The following PLEKHA5 variants were observed in gnomAD, a reference collection of about 807,000 sequenced individuals.
PLEKHA5 encodes the protein pleckstrin homology domain-containing family A member 5.
Under a neutral mutation model 181.9 loss-of-function variants are expected in PLEKHA5, and 55 were observed. The ratio of observed to expected loss-of-function variants is 0.30; its 90% CI spans 0.24 to 0.38. The LOEUF (loss-of-function observed/expected upper bound fraction) is 0.38. Ranked by LOEUF, PLEKHA5 falls within the 10% of genes least tolerant of loss-of-function variation. PLEKHA5 has a pLI of 1.00. For missense variants in PLEKHA5, 1,432 were observed against 1,549.5 expected (o/e 0.92, Z 1.27); for synonymous variants, 535 against 529.4 (o/e 1.01, Z -0.15).
intron 8 of PLEKHA5, among the ~76,000 whole-genome samples, chr12:19,269,487 C>G (rs2071833226): frequency 6.9e-6 from 1 of 145,732 alleles, no homozygotes; most frequent in South Asian, 2.2e-4. Context: ...CATTTCTCAC[C>G]TCCTTTCCTT....
intron 28 of PLEKHA5, among the ~76,000 whole-genome samples, chr12:19,360,466 G>A (rs73065182): frequency 6.6e-6 from 1 of 151,634 alleles, no homozygotes. Context: ...AGTTAGCCAG[G>A]CACAGTGACA....
chr12:19,339,661 A>G (rs2093707263), intron 21 of PLEKHA5, among the ~76,000 whole-genome samples: 1 of 152,152 alleles, frequency 6.6e-6, no homozygotes, highest in African/African-American at 2.4e-5. Flanking sequence ...TTTAAGGTAT[A>G]ATAAAAACCA....
At chr12:19,334,829 A>AAAAAAAAATATATATATAT in intron 20 of PLEKHA5, among the ~76,000 whole-genome samples, 7 of 18,590 alleles carry the variant, frequency 3.8e-4, no homozygotes, top group Non-Finnish European at 8.7e-4. Context: ...AAAAAAAAAA[A>AAAAAAAAATATATATATAT]ATATATATAT....
intron 4 of PLEKHA5, among the ~76,000 whole-genome samples, chr12:19,254,567 TC>T (rs1489340796): frequency 6.6e-6 from 1 of 152,166 alleles, no homozygotes; most frequent in Non-Finnish European, 1.5e-5. Flanking sequence ...ACGCCTGTAA[TC>T]CTAGCACTTT....
At chr12:19,244,527 G>C (rs1024684979) in intron 3 of PLEKHA5, among the ~76,000 whole-genome samples, 1 of 152,224 alleles carries the variant, frequency 6.6e-6, no homozygotes, top group Non-Finnish European at 1.5e-5. Flanking sequence ...CATGATACTG[G>C]CCTTTGTTGC....
rs551293351 is a variant in PLEKHA5 at position 19,250,434 on chromosome 12, T to G, written c.228-3506T>G. Among the ~76,000 whole-genome samples the G allele has an allele frequency of 2.0e-5, 3 of 152,092 alleles. No homozygotes were observed. The South Asian group carries it at 6.2e-4, about 32-fold the overall frequency. ...ACCCCTCTCTACTAAAACTACAAAATTAGCCAGGCGTCGTGGTGCATACCT... is the reference window on the plus strand; with the variant it reads ...ACCCCTCTCTACTAAAACTACAAAAGTAGCCAGGCGTCGTGGTGCATACCT... On this transcript the variant is annotated intron_variant, in intron 3 of 31. Transcript: ENST00000429027.
At chr12:19,306,991 C>T (rs1336711805) in intron 15 of PLEKHA5, 5 of 1,476,768 alleles carry the variant, frequency 3.4e-6, no homozygotes, top group Non-Finnish European at 3.8e-6. Flanking sequence ...CGCTGTTCCA[C>T]CGGCTGCTTT....
At position 19,338,894 on chromosome 12, in the gene PLEKHA5, A is replaced by T. The variant is rs114154167; in HGVS notation, c.2550+2278A>T. On this transcript the variant is annotated intron_variant, in intron 21 of 31. Coordinates refer to ENST00000429027, the MANE Select transcript of PLEKHA5 (RefSeq NM_001256470.2). ...CAAAAGTCCATCTCAAAAAAAAAAAAAAATAAGAAATCAGCTACAAAAATG... is the reference window on the plus strand; with the variant it reads ...CAAAAGTCCATCTCAAAAAAAAAAATAAATAAGAAATCAGCTACAAAAATG... 8.2e-3 allele frequency among the ~76,000 whole-genome samples: 1,249 copies of T among 151,816 alleles called. 28 individuals are homozygous for T. The highest frequency in any genetic ancestry group is 0.029 in the African/African-American group (1,186 of 41,384).
chr12:19,328,532 C>G (rs181743060), intron 20 of PLEKHA5, among the ~76,000 whole-genome samples: 1 of 150,982 alleles, frequency 6.6e-6, no homozygotes, highest in African/African-American at 2.4e-5. Flanking sequence ...ACATCTTTCA[C>G]CTCCTTGGTT....
chr12:19,137,121 C>T (rs996634539), intron 3 of PLEKHA5, among the ~76,000 whole-genome samples: 1 of 152,056 alleles, frequency 6.6e-6, no homozygotes, highest in African/African-American at 2.4e-5. Context: ...CAACGTCCAC[C>T]TCCCGGGTTC....
intron 3 of PLEKHA5, among the ~76,000 whole-genome samples, chr12:19,249,256 T>C (rs1409878276): frequency 6.6e-6 from 1 of 152,162 alleles, no homozygotes; most frequent in Non-Finnish European, 1.5e-5. Context: ...TCTTGTACTT[T>C]AGGGGGTGGG....
intron 3 of PLEKHA5, among the ~76,000 whole-genome samples, chr12:19,245,790 C>T (rs2063597094): frequency 7.1e-6 from 1 of 140,870 alleles, no homozygotes; most frequent in African/African-American, 2.6e-5. Flanking sequence ...CAGAGTATTG[C>T]TTTGTGATAC....
chr12:19,224,563 AAAAATTGTTGCAT>A (rs1222168449), intron 3 of PLEKHA5, among the ~76,000 whole-genome samples: 1 of 152,164 alleles, frequency 6.6e-6, no homozygotes, highest in Admixed American at 6.6e-5. Context: ...AAATTTTTTT[AAAAATTGTTGCAT>A]AAAATAAGTT....
chr12:19,260,229 A>G (rs2068055551), intron 6 of PLEKHA5, among the ~76,000 whole-genome samples: 1 of 152,208 alleles, frequency 6.6e-6, no homozygotes, highest in African/African-American at 2.4e-5. Context: ...AAATCACATT[A>G]CCTTTGGAAT....
chr12:19,165,116 A>T (rs1233924722), intron 3 of PLEKHA5, among the ~76,000 whole-genome samples: 1 of 152,130 alleles, frequency 6.6e-6, no homozygotes, highest in Non-Finnish European at 1.5e-5. Flanking sequence ...ACCCACTCAA[A>T]TTATATAGAA....
At chr12:19,286,485 C>A (rs1592327473) in intron 12 of PLEKHA5, among the ~76,000 whole-genome samples, 1 of 152,246 alleles carries the variant, frequency 6.6e-6, no homozygotes, top group Non-Finnish European at 1.5e-5. Context: ...ATTTTCTTCA[C>A]ATACTTCCAC....
At chr12:19,172,202 T>G (rs908286563) in intron 3 of PLEKHA5, among the ~76,000 whole-genome samples, 4 of 152,250 alleles carry the variant, frequency 2.6e-5, no homozygotes, top group Non-Finnish European at 5.9e-5. Context: ...GAGGTTTGTT[T>G]ACATCAGCAT....
At chr12:19,329,442 G>A (rs755405691) in intron 20 of PLEKHA5, among the ~76,000 whole-genome samples, 12 of 152,198 alleles carry the variant, frequency 7.9e-5, no homozygotes, top group Middle Eastern at 3.4e-3. Context: ...GGTAGAAATC[G>A]GCTGTGAATC....
intron 24 of PLEKHA5, 60 bp from the exon 25 acceptor site, chr12:19,348,339 A>C: frequency 7.4e-7 from 1 of 1,342,774 alleles, no homozygotes; most frequent in Non-Finnish European, 1.0e-6. Context: ...CTTTAGCAGT[A>C]AACATTTTAA....
Sources: allele counts gnomAD v4.1 joint callset (sites outside exome capture counted in the v4.1 genomes callset), GRCh38; gene constraint gnomAD v4.1.1; transcripts MANE v1.5; gene names NCBI Gene and HGNC (gene_info 2026-07-23, HGNC 2026-07-21).